Variants in COBLL1 observed in about 807,000 individuals in gnomAD.
The protein encoded by COBLL1 is cordon-bleu protein-like 1.
A neutral mutation model predicts 94.8 loss-of-function variants in COBLL1; 50 were observed. The observed-to-expected ratio is 0.53, with a 90% CI of 0.42 to 0.67. The LOEUF (loss-of-function observed/expected upper bound fraction) is 0.67, where lower values mean the gene tolerates loss of function less well. Among genes scored for constraint, COBLL1 ranks in the 30% least tolerant of loss-of-function variants. COBLL1 has a pLI of 0.00. For synonymous variants in COBLL1, 448 were observed against 473.8 expected, an observed-to-expected ratio of 0.95 and a Z score of 0.71; for missense variants, 1,362 against 1,348.7, an observed-to-expected ratio of 1.01 and a Z score of -0.15.
At chr2:164,669,615 T>C (rs1038475161) in intron 1 of COBLL1, among the ~76,000 whole-genome samples, 1 of 152,218 alleles carries the variant, frequency 6.6e-6, no homozygotes, top group Non-Finnish European at 1.5e-5. Flanking sequence ...GCCCTGTAAC[T>C]TTGCTGGATG....
At chr2:164,838,882 G>A (rs1574682055) in intron 2 of COBLL1, among the ~76,000 whole-genome samples, 1 of 152,068 alleles carries the variant, frequency 6.6e-6, no homozygotes, top group African/African-American at 2.4e-5. Context: ...TAAGATTTCT[G>A]CCTGCCACTT....
intron 9 of COBLL1, 114 bp from the exon 10 acceptor site, chr2:164,700,870 T>G: frequency 1.5e-6 from 1 of 673,822 alleles, no homozygotes; most frequent in South Asian, 1.9e-5. Flanking sequence ...TTTTAAATTC[T>G]GCCTCAAAAA....
intron 7 of COBLL1, among the ~76,000 whole-genome samples, chr2:164,714,206 TGTAA>T (rs1685051273): frequency 6.6e-6 from 1 of 151,602 alleles, no homozygotes; most frequent in African/African-American, 2.4e-5. Context: ...GTTATTCCCC[TGTAA>T]GTTTTTTCCA....
At chr2:164,691,491 A>G (rs1385480936) in intron 13 of COBLL1, among the ~76,000 whole-genome samples, 2 of 152,154 alleles carry the variant, frequency 1.3e-5, no homozygotes, top group Non-Finnish European at 2.9e-5. Flanking sequence ...AGGGGAGAAG[A>G]CAAGAGAGGT....
intron 2 of COBLL1, among the ~76,000 whole-genome samples, chr2:164,756,074 TGAGGGAGG>T (rs937823403): frequency 2.1e-5 from 3 of 141,096 alleles, no homozygotes; most frequent in African/African-American, 5.4e-5. Context: ...AGAGAGAGAA[TGAGGGAGG>T]GAGGGAGGGA....
At chr2:164,833,967 G>A (rs1313463085) in intron 2 of COBLL1, among the ~76,000 whole-genome samples, 1 of 152,146 alleles carries the variant, frequency 6.6e-6, no homozygotes, top group Non-Finnish European at 1.5e-5. Flanking sequence ...CAGATATGAA[G>A]TTTGTATTCA....
At chr2:164,782,923 T>C (rs185896948) in intron 2 of COBLL1, among the ~76,000 whole-genome samples, 6 of 152,326 alleles carry the variant, frequency 3.9e-5, no homozygotes, top group Admixed American at 3.9e-4. Flanking sequence ...ACATTTTAAA[T>C]GGTTATACTT....
chr2:164,666,559 A>C (rs2105384966), intron 1 of COBLL1, among the ~76,000 whole-genome samples: 1 of 152,308 alleles, frequency 6.6e-6, no homozygotes, highest in Admixed American at 6.5e-5. Context: ...CTTTCACAAA[A>C]GATTTATCTG....
intron 2 of COBLL1, among the ~76,000 whole-genome samples, chr2:164,763,912 T>G (rs1479203116): frequency 2.0e-5 from 3 of 152,362 alleles, no homozygotes; most frequent in Non-Finnish European, 4.4e-5. Flanking sequence ...TTTCTTTATG[T>G]TTGAGACAGG....
chr2:164,773,605 C>G, intron 2 of COBLL1: 1 of 392,380 alleles, frequency 2.5e-6, no homozygotes, highest in South Asian at 2.7e-5. Flanking sequence ...TTAAAATGTG[C>G]AAGGGTAATC....
chr2:164,719,238 A>G (rs1311426839), intron 7 of COBLL1, among the ~76,000 whole-genome samples: 1 of 152,166 alleles, frequency 6.6e-6, no homozygotes, highest in Non-Finnish European at 1.5e-5. Flanking sequence ...TGAGCTTTTC[A>G]GTCTGGTGAA....
intron 2 of COBLL1, among the ~76,000 whole-genome samples, chr2:164,814,312 A>G (rs1684604827): frequency 6.6e-6 from 1 of 152,140 alleles, no homozygotes; most frequent in Non-Finnish European, 1.5e-5. Flanking sequence ...CTAACATTAG[A>G]CCTAGCATCT....
At chr2:164,671,525 C>T (rs1347139403) in intron 1 of COBLL1, among the ~76,000 whole-genome samples, 1 of 152,178 alleles carries the variant, frequency 6.6e-6, no homozygotes, top group Non-Finnish European at 1.5e-5. Context: ...CCTCTGAGGT[C>T]TCTGGAAAGG....
At chr2:164,766,252 C>T (rs1333240315) in intron 2 of COBLL1, among the ~76,000 whole-genome samples, 1 of 152,154 alleles carries the variant, frequency 6.6e-6, no homozygotes, top group African/African-American at 2.4e-5. Context: ...GCTATGAACA[C>T]TCACATACAA....
intron 2 of COBLL1, among the ~76,000 whole-genome samples, chr2:164,771,649 G>A (rs1365490004): frequency 6.6e-6 from 1 of 151,958 alleles, no homozygotes; most frequent in African/African-American, 2.4e-5. Flanking sequence ...CTGAATAGAT[G>A]GAGACAGGTT....
chr2:164,695,343 A>C lies in COBLL1; in HGVS notation c.2049T>G (p.Asp683Glu). The C allele has an allele frequency of 1.2e-6, 2 of 1,613,986 alleles. 1 individual carries two copies. Among genetic ancestry groups the C allele is most frequent in the Non-Finnish European group, 1.7e-6 (2 of 1,179,940 alleles). ...VKDPICAHGNDDLLPPVDRID... is the reference protein window; with the variant it reads ...VKDPICAHGNEDLLPPVDRID... ...TCCTATCTACAGGAGGCAAAAGATC[A>C]TCATTACCATGTGCACAAATTGGAT... The change falls in exon 12 of 14, where the codon GAT becomes GAG. Residue 683 changes from aspartate to glutamate, a missense_variant. Coordinates refer to ENST00000652658, the MANE Select transcript of COBLL1 (RefSeq NM_001365672.2).
chr2:164,678,853 G>C (rs1468584204), downstream of COBLL1, among the ~76,000 whole-genome samples: 1 of 152,236 alleles, frequency 6.6e-6, no homozygotes, highest in South Asian at 2.1e-4. Flanking sequence ...TGTCTTAGCT[G>C]TCTTTGTTTC....
Position 164,686,073 on chromosome 2 carries a change from T to C in COBLL1, c.3301-41A>G, listed in dbSNP as rs772194563. On this transcript the variant is annotated intron_variant, in intron 13 of 13. Transcript: ENST00000652658. ...ACACTTTGCACCCATCAATTTAAAATGGGATAGCTGTCTAATTTTCAATTT... is the reference window on the plus strand; with the variant it reads ...ACACTTTGCACCCATCAATTTAAAACGGGATAGCTGTCTAATTTTCAATTT... The C allele has an allele frequency of 5.5e-6, 6 of 1,095,178 alleles. No individual in the cohort carries two copies. In the Admixed American group the frequency reaches 1.1e-4, roughly 20 times the overall value. The allele number at this position is 1,095,178 out of a possible 1,614,324, so 67.8% of individuals were successfully genotyped here. A position where few individuals can be genotyped will look rare whatever the true frequency, so the allele number is the denominator to read the frequency against.
chr2:164,806,718 G>A (rs1684174128), intron 2 of COBLL1, among the ~76,000 whole-genome samples: 1 of 151,620 alleles, frequency 6.6e-6, no homozygotes, highest in Non-Finnish European at 1.5e-5. Flanking sequence ...CTTTTCTTTT[G>A]AGACAGGGTC....
Sources: allele counts gnomAD v4.1 joint callset (sites outside exome capture counted in the v4.1 genomes callset), GRCh38; gene constraint gnomAD v4.1.1; transcripts MANE v1.5; gene names NCBI Gene and HGNC (gene_info 2026-07-23, HGNC 2026-07-21).